The following RANBP2 variants were observed in gnomAD, a reference collection of about 807,000 sequenced individuals.
The protein encoded by RANBP2 is RAN binding protein 2.
A neutral mutation model predicts 303.6 loss-of-function variants in RANBP2; 57 were observed. The ratio of observed to expected loss-of-function variants is 0.19; its 90% CI spans 0.15 to 0.23. RANBP2 has a LOEUF of 0.23. RANBP2 is among the 10% of genes least tolerant of loss of function. The pLI, the probability that RANBP2 is intolerant of heterozygous loss-of-function variation, is 1.00. For missense variants in RANBP2, 3,138 were observed against 3,780.8 expected, an observed-to-expected ratio of 0.83 and a Z score of 4.46; for synonymous variants, 1,167 against 1,301.5, an observed-to-expected ratio of 0.90 and a Z score of 2.23.
At chr2:109,324,237 T>C in the RANBP2 span, among the ~76,000 whole-genome samples, 1 of 152,350 alleles carries the variant, frequency 6.6e-6, no homozygotes, top group Non-Finnish European at 1.5e-5. Flanking sequence ...ATGTTCTCAC[T>C]TTTTCACCAT....
the RANBP2 span, among the ~76,000 whole-genome samples, chr2:109,083,940 A>G: frequency 6.6e-6 from 1 of 152,162 alleles, no homozygotes; most frequent in Non-Finnish European, 1.5e-5. Context: ...TCAGCTGCAT[A>G]GCAAGAGGCC....
At chr2:108,855,654 A>G in the RANBP2 span, among the ~76,000 whole-genome samples, 1 of 152,208 alleles carries the variant, frequency 6.6e-6, no homozygotes, top group Non-Finnish European at 1.5e-5. Flanking sequence ...AATGGTAAAA[A>G]TGGAGTGTAC....
the RANBP2 span, among the ~76,000 whole-genome samples, chr2:109,171,539 G>A: frequency 2.0e-5 from 3 of 152,330 alleles, no homozygotes; most frequent in African/African-American, 2.4e-5. Flanking sequence ...CTTCGCCCGC[G>A]GCGGGCCAGG....
At chr2:109,518,400 G>A in the RANBP2 span, among the ~76,000 whole-genome samples, 1 of 152,142 alleles carries the variant, frequency 6.6e-6, no homozygotes, top group Non-Finnish European at 1.5e-5. Flanking sequence ...GGAGAGCAGG[G>A]GTTCAGAGAG....
chr2:109,610,496 C>T, the RANBP2 span, among the ~76,000 whole-genome samples: 3 of 152,180 alleles, frequency 2.0e-5, no homozygotes, highest in African/African-American at 7.2e-5. Context: ...GGGTGGATCA[C>T]CTGAGGTTGG....
chr2:108,866,728 C>T, the RANBP2 span, among the ~76,000 whole-genome samples: 2 of 152,084 alleles, frequency 1.3e-5, no homozygotes, highest in Non-Finnish European at 2.9e-5. Context: ...ACTAAAAATA[C>T]AAACATTAGC....
At chr2:109,238,410 T>G in the RANBP2 span, among the ~76,000 whole-genome samples, 1 of 151,758 alleles carries the variant, frequency 6.6e-6, no homozygotes, top group Non-Finnish European at 1.5e-5. Context: ...AATTTTCTCT[T>G]TTTCTTTAAT....
chr2:108,780,632 C>T (rs1014153826), intron 25 of RANBP2, among the ~76,000 whole-genome samples: 7 of 151,526 alleles, frequency 4.6e-5, no homozygotes, highest in Non-Finnish European at 8.8e-5. Context: ...CAGGTTGAAG[C>T]GATTCTTCTG....
chr2:109,294,565 A>C, the RANBP2 span, among the ~76,000 whole-genome samples: 4 of 144,460 alleles, frequency 2.8e-5, no homozygotes, highest in South Asian at 9.0e-4. Flanking sequence ...AGTCTCAAAA[A>C]AAAAAAATTA....
At chr2:109,590,711 G>A in the RANBP2 span, among the ~76,000 whole-genome samples, 1 of 152,158 alleles carries the variant, frequency 6.6e-6, no homozygotes, top group African/African-American at 2.4e-5. Flanking sequence ...TTACAGGTGT[G>A]AGCCATTATG....
chr2:109,047,787 C>T, the RANBP2 span, among the ~76,000 whole-genome samples: 2 of 152,234 alleles, frequency 1.3e-5, no homozygotes, highest in Admixed American at 1.3e-4. Context: ...CCAGCCTGGG[C>T]AACAGAGCGA....
At chr2:109,114,378 G>A in the RANBP2 span, among the ~76,000 whole-genome samples, 63 of 152,306 alleles carry the variant, frequency 4.1e-4, 1 homozygote, top group African/African-American at 1.4e-3. Flanking sequence ...TATGTGTTGA[G>A]GAATTTACCC....
chr2:109,078,133 A>AAAAAAGAAGGAAGT, the RANBP2 span, among the ~76,000 whole-genome samples: 1 of 72,864 alleles, frequency 1.4e-5, no homozygotes, highest in Admixed American at 1.8e-4. Context: ...GTATATATAT[A>AAAAAAGAAGGAAGT]TAGCGTGTAT....
At chr2:108,804,933 A>G in the RANBP2 span, 2 of 1,573,188 alleles carry the variant, frequency 1.3e-6, no homozygotes, top group East Asian at 4.6e-5. Flanking sequence ...TTCTTAAGGA[A>G]AAGAATAAAG....
At chr2:109,313,104 C>T in the RANBP2 span, among the ~76,000 whole-genome samples, 1 of 152,294 alleles carries the variant, frequency 6.6e-6, no homozygotes, top group African/African-American at 2.4e-5. Flanking sequence ...GTGCTCCTGG[C>T]TCACACTGTA....
chr2:109,047,545 A>G, the RANBP2 span, among the ~76,000 whole-genome samples: 1 of 152,244 alleles, frequency 6.6e-6, no homozygotes, highest in African/African-American at 2.4e-5. Context: ...ACGTTGGCTC[A>G]TGCCTGTAAT....
chr2:108,926,660 A>T, the RANBP2 span, among the ~76,000 whole-genome samples: 1 of 152,130 alleles, frequency 6.6e-6, no homozygotes, highest in South Asian at 2.1e-4. Context: ...TTTGGTTCCC[A>T]GGTCCTCCCA....
chr2:109,328,411 C>T, the RANBP2 span, among the ~76,000 whole-genome samples: 43 of 152,198 alleles, frequency 2.8e-4, 1 homozygote. Flanking sequence ...ACTATGTGGG[C>T]TGCATCCTCA....
At chr2:109,654,956 G>A in the RANBP2 span, among the ~76,000 whole-genome samples, 29 of 151,122 alleles carry the variant, frequency 1.9e-4, no homozygotes, top group Admixed American at 1.6e-3. Context: ...AGGCTAGAGC[G>A]CAGTGGCGTG....
Sources: gnomAD v4.1 joint callset for allele counts (sites outside exome capture counted in the v4.1 genomes callset) on GRCh38, gnomAD v4.1.1 for gene constraint, MANE v1.5 for transcripts, NCBI Gene and HGNC (gene_info 2026-07-23, HGNC 2026-07-21) for gene names.